ANO3: variants seen among roughly 807,000 people sequenced by gnomAD.
The protein encoded by ANO3 is anoctamin-3.
A neutral mutation model predicts 144.8 loss-of-function variants in ANO3; 99 were observed. The observed-to-expected ratio is 0.68, with a 90% confidence interval of 0.58 to 0.81. The LOEUF (loss-of-function observed/expected upper bound fraction) is 0.81, where lower values mean the gene tolerates loss of function less well. ANO3 is among the 30% of genes least tolerant of loss of function. ANO3 has a pLI of 0.00. For synonymous variants in ANO3, 414 were observed against 392.6 expected (o/e 1.05, Z -0.64); for missense variants, 905 against 1,202.2 (o/e 0.75, Z 3.66).
intron 1 of ANO3, among the ~76,000 whole-genome samples, chr11:26,208,867 G>T (rs146183428): frequency 6.6e-6 from 1 of 152,232 alleles, no homozygotes; most frequent in African/African-American, 2.4e-5. Flanking sequence ...TTTTTAAACT[G>T]AAGGCAGATA....
In ANO3 at chr11:26,564,724, CACACACACATATATATATATATATAT is replaced by C. The variant is rs1390539980; in HGVS notation, c.1447+4947_1447+4972del. Among the ~76,000 whole-genome samples the C allele has an allele frequency of 8.0e-3, 456 of 57,252 alleles. 1 individual carries two copies. The highest frequency in any genetic ancestry group is 0.012 in the Non-Finnish European group (363 of 29,666). 37.6% of individuals were successfully genotyped at this position (57,252 alleles called of 152,430 possible). A position where few individuals can be genotyped will look rare whatever the true frequency, so the allele number is the denominator to read the frequency against. ...ACACACACACACACACACACACACACACACACACATATATATATATATATATATATATATATATATATATATATATA... is the reference window on the plus strand; with the variant it reads ...ACACACACACACACACACACACACACATATATATATATATATATATATATA... On this transcript the variant is annotated intron_variant, in intron 14 of 26. Transcript: ENST00000256737.
chr11:26,597,386 A>G (rs1460000417), intron 14 of ANO3, among the ~76,000 whole-genome samples: 4 of 152,214 alleles, frequency 2.6e-5, no homozygotes, highest in African/African-American at 4.8e-5. Context: ...CAGCTGGATT[A>G]GGACGAACCT....
At chr11:26,553,605 A>C (rs1850000712) in intron 13 of ANO3, among the ~76,000 whole-genome samples, 1 of 152,168 alleles carries the variant, frequency 6.6e-6, no homozygotes, top group African/African-American at 2.4e-5. Flanking sequence ...ACATGTAATT[A>C]TATCTAGATT....
At chr11:26,497,218 T>A (rs1602934) in intron 4 of ANO3, among the ~76,000 whole-genome samples, 139,140 of 151,888 alleles carry the variant, frequency 0.92, 64,012 homozygotes, top group Non-Finnish European at 0.96. Context: ...ATACAGACAC[T>A]CACAGAAGTA....
At chr11:26,611,173 G>A (rs938494243) in intron 17 of ANO3, among the ~76,000 whole-genome samples, 6 of 151,780 alleles carry the variant, frequency 4.0e-5, no homozygotes, top group South Asian at 2.1e-4. Context: ...TTGGGGTTTC[G>A]TTTGTCTTTT....
chr11:26,498,176 A>AT (rs1233015063), intron 4 of ANO3, among the ~76,000 whole-genome samples: 1 of 152,000 alleles, frequency 6.6e-6, no homozygotes, highest in African/African-American at 2.4e-5. Flanking sequence ...TCATATTTTA[A>AT]TTTTGTAAAT....
At chr11:26,583,997 C>T (rs1851205490) in intron 14 of ANO3, among the ~76,000 whole-genome samples, 1 of 152,192 alleles carries the variant, frequency 6.6e-6, no homozygotes, top group African/African-American at 2.4e-5. Flanking sequence ...CTTTCCCTGA[C>T]CCCTTCTAAT....
At chr11:26,536,399 A>T (rs1442884437) in intron 9 of ANO3, among the ~76,000 whole-genome samples, 1 of 151,956 alleles carries the variant, frequency 6.6e-6, no homozygotes, top group African/African-American at 2.4e-5. Context: ...TTAGTACTAT[A>T]TTGTTTTGTA....
At chr11:26,442,963 A>C (rs1473713424) in intron 2 of ANO3, among the ~76,000 whole-genome samples, 1 of 152,000 alleles carries the variant, frequency 6.6e-6, no homozygotes, top group Non-Finnish European at 1.5e-5. Context: ...ACTGGGTTTC[A>C]TCATGTTTGT....
intron 1 of ANO3, among the ~76,000 whole-genome samples, chr11:26,409,589 T>C (rs1320777002): frequency 6.6e-6 from 1 of 151,990 alleles, no homozygotes; most frequent in African/African-American, 2.4e-5. Flanking sequence ...ATTTACTTTA[T>C]AAGTGTGAAC....
At chr11:26,444,769 T>C (rs1358653541) in intron 3 of ANO3, among the ~76,000 whole-genome samples, 2 of 152,228 alleles carry the variant, frequency 1.3e-5, no homozygotes, top group Non-Finnish European at 2.9e-5. Flanking sequence ...TTTAAAACTA[T>C]GAATTTTGGT....
At chr11:26,245,547 T>C (rs894128146) in intron 1 of ANO3, among the ~76,000 whole-genome samples, 1 of 152,214 alleles carries the variant, frequency 6.6e-6, no homozygotes, top group East Asian at 1.9e-4. Context: ...GAAGAACTAA[T>C]GGATTTTTTC....
chr11:26,245,263 C>T (rs1852764514), intron 1 of ANO3, among the ~76,000 whole-genome samples: 1 of 152,012 alleles, frequency 6.6e-6, no homozygotes, highest in Non-Finnish European at 1.5e-5. Context: ...AAGTGATGTC[C>T]ACATTCTTCT....
At position 26,482,208 on chromosome 11, in the gene ANO3, CT is replaced by C. The variant is rs898054765; in HGVS notation, c.432+19069del. On this transcript the variant is annotated intron_variant, in intron 4 of 26. Transcript: ENST00000256737. Reference sequence around the variant, plus strand: ...CCACTCCTCCCAGCTTTTAGTGTTTCTTTTTTTTTAATTTTATTATTATTAT... The same window carrying C: ...CCACTCCTCCCAGCTTTTAGTGTTTCTTTTTTTTAATTTTATTATTATTAT... Among the ~76,000 whole-genome samples the C allele has an allele frequency of 2.1e-4, 31 of 150,792 alleles. No individual in the cohort carries two copies. In the East Asian group the frequency reaches 4.1e-3, roughly 20 times the overall value.
intron 1 of ANO3, among the ~76,000 whole-genome samples, chr11:26,222,981 A>G (rs1852179220): frequency 1.3e-5 from 2 of 151,482 alleles, no homozygotes; most frequent in Admixed American, 1.3e-4. Context: ...TCCCTTTTAG[A>G]CATGCTAATC....
chr11:26,561,568 T>C (rs185419542), intron 14 of ANO3, among the ~76,000 whole-genome samples: 1 of 139,490 alleles, frequency 7.2e-6, no homozygotes, highest in Admixed American at 7.2e-5. Context: ...CTTGTCAACA[T>C]GTTCAGAATT....
At chr11:26,452,282 G>C (rs1259272658) in intron 3 of ANO3, among the ~76,000 whole-genome samples, 3 of 151,732 alleles carry the variant, frequency 2.0e-5, no homozygotes, top group Non-Finnish European at 4.4e-5. Flanking sequence ...ATCAAACTAC[G>C]AGCTACAGGA....
At chr11:26,528,348 C>G (rs958627042) in intron 7 of ANO3, among the ~76,000 whole-genome samples, 23 of 152,218 alleles carry the variant, frequency 1.5e-4, no homozygotes, top group African/African-American at 5.1e-4. Flanking sequence ...TTAGGCCAAC[C>G]ATATTTCACT....
Position 26,535,571 on chromosome 11 carries a change from C to CTTT in ANO3, c.976+1036_976+1038dup, listed in dbSNP as rs72278856. On this transcript the variant is annotated intron_variant, in intron 9 of 26. Transcript: ENST00000256737. ...AATACACTATGTTTCAAGACAGCCA[C>CTTT]TTTTTTTTTTTTTTTTTTTTTTTTT... is the stretch of plus-strand genomic sequence containing the variant. 1.5e-3 allele frequency among the ~76,000 whole-genome samples: 88 copies of CTTT among 58,606 alleles called. 12 individuals are homozygous for CTTT. The highest frequency in any genetic ancestry group is 2.9e-3 in the African/African-American group (39 of 13,306). 38.4% of individuals were successfully genotyped at this position (58,606 alleles called of 152,430 possible).
Sources: allele counts gnomAD v4.1 joint callset (sites outside exome capture counted in the v4.1 genomes callset), GRCh38; gene constraint gnomAD v4.1.1; transcripts MANE v1.5; gene names NCBI Gene and HGNC (gene_info 2026-07-23, HGNC 2026-07-21).